SOX5: variants seen among roughly 807,000 people sequenced by gnomAD.
SOX5 encodes the protein transcription factor SOX-5.
A neutral mutation model predicts 92.0 loss-of-function variants in SOX5; 9 were observed. That is an observed-to-expected ratio of 0.10 (90% CI 0.06 to 0.17). SOX5 has a LOEUF of 0.17. SOX5 is among the 10% of genes least tolerant of loss of function. SOX5 has a pLI of 1.00. For missense variants in SOX5, 642 were observed against 944.5 expected, an observed-to-expected ratio of 0.68 and a Z score of 4.20; for synonymous variants, 344 against 336.3, an observed-to-expected ratio of 1.02 and a Z score of -0.25.
chr12:23,989,869 T>A (rs1353255387), intron 4 of SOX5, among the ~76,000 whole-genome samples: 1 of 152,134 alleles, frequency 6.6e-6, no homozygotes, highest in African/African-American at 2.4e-5. Flanking sequence ...GAGTTTGTTA[T>A]AGTAGCTTGA....
chr12:23,539,100 T>C (rs10771001), intron 13 of SOX5, among the ~76,000 whole-genome samples: 110,482 of 151,820 alleles, frequency 0.73, 40,496 homozygotes, highest in East Asian at 0.96. Context: ...CCACCACTCC[T>C]GGCCAAGCAT....
chr12:23,763,647 C>A (rs952807594), intron 3 of SOX5, among the ~76,000 whole-genome samples: 1 of 150,428 alleles, frequency 6.6e-6, no homozygotes, highest in Admixed American at 6.6e-5. Context: ...CTCAATTAAT[C>A]TTTGCCTTTT....
chr12:23,660,657 G>A (rs1444646600), intron 7 of SOX5, among the ~76,000 whole-genome samples: 4 of 151,694 alleles, frequency 2.6e-5, no homozygotes, highest in Non-Finnish European at 5.9e-5. Context: ...ATAATATTCT[G>A]TTCTGTGGTT....
At chr12:23,998,815 A>AAG (rs1426559449) in intron 4 of SOX5, among the ~76,000 whole-genome samples, 9 of 151,030 alleles carry the variant, frequency 6.0e-5, no homozygotes, top group Non-Finnish European at 1.3e-4. Context: ...AAAAAAAAAA[A>AAG]AAAAAAAAAA....
intron 4 of SOX5, among the ~76,000 whole-genome samples, chr12:23,967,105 G>C (rs1233336570): frequency 2.0e-5 from 3 of 152,068 alleles, no homozygotes; most frequent in African/African-American, 7.2e-5. Flanking sequence ...TCTGAAATGA[G>C]CTTTTAAAAG....
At chr12:24,010,446 A>C (rs1952783464) in intron 4 of SOX5, among the ~76,000 whole-genome samples, 1 of 152,228 alleles carries the variant, frequency 6.6e-6, no homozygotes, top group Non-Finnish European at 1.5e-5. Context: ...TCCCCGTAAG[A>C]AAAATGTTAT....
chr12:23,691,020 G>A (rs2088686548), intron 6 of SOX5, among the ~76,000 whole-genome samples: 1 of 152,164 alleles, frequency 6.6e-6, no homozygotes, highest in Non-Finnish European at 1.5e-5. Context: ...CAGTCTTCAA[G>A]CTGGACTATC....
intron 6 of SOX5, among the ~76,000 whole-genome samples, chr12:23,711,713 A>C (rs181959232): frequency 6.6e-6 from 1 of 152,322 alleles, no homozygotes; most frequent in East Asian, 1.9e-4. Flanking sequence ...TTACAATTGG[A>C]AAATGGAACT....
intron 3 of SOX5, among the ~76,000 whole-genome samples, chr12:23,779,955 CTGTGTGTG>C (rs10686652): frequency 0.026 from 3,571 of 136,562 alleles, 97 homozygotes; most frequent in South Asian, 0.098. Flanking sequence ...CACAGCGAGA[CTGTGTGTG>C]TGTGTGTGTG....
At chr12:24,046,030 A>C (rs78710240) in intron 4 of SOX5, among the ~76,000 whole-genome samples, 2,553 of 152,190 alleles carry the variant, frequency 0.017, 29 homozygotes, top group Middle Eastern at 0.031. Flanking sequence ...TCTGTCTCTC[A>C]TCATTGCTTT....
chr12:23,689,655 T>C (rs751318151), intron 6 of SOX5, among the ~76,000 whole-genome samples: 1 of 152,166 alleles, frequency 6.6e-6, no homozygotes, highest in Non-Finnish European at 1.5e-5. Flanking sequence ...CAAAAATACA[T>C]GCCATATACA....
Position 23,614,723 on chromosome 12 carries a change from G to A in SOX5, c.1018-10190C>T, listed in dbSNP as rs185437275. 1.3e-4 allele frequency among the ~76,000 whole-genome samples: 20 copies of A among 152,248 alleles called. No homozygotes were observed. The East Asian group carries it at 3.7e-3, about 28-fold the overall frequency. ...GGTATCTTCATGTTTACCTTCTAAG[G>A]AAATTGTCAGACTTTTCTGAAGTGG... On this transcript the variant is annotated intron_variant, in intron 8 of 14. Coordinates refer to ENST00000451604, the MANE Select transcript of SOX5 (RefSeq NM_006940.6).
At chr12:24,214,879 G>A (rs1229033240) in intron 3 of SOX5, among the ~76,000 whole-genome samples, 1 of 151,940 alleles carries the variant, frequency 6.6e-6, no homozygotes, top group East Asian at 1.9e-4. Flanking sequence ...GATCATTTTA[G>A]AGTACATAAA....
intron 2 of SOX5, among the ~76,000 whole-genome samples, chr12:24,343,828 G>T (rs765040708): frequency 7.9e-5 from 12 of 152,148 alleles, no homozygotes; most frequent in Non-Finnish European, 1.6e-4. Flanking sequence ...AAGGTATTTG[G>T]TGAGGACAGG....
At position 23,741,032 on chromosome 12, in the gene SOX5, G is replaced by A. The variant is rs748012592; in HGVS notation, c.576C>T (p.Pro192=). The A allele has an allele frequency of 1.1e-5, 18 of 1,592,308 alleles. No individual in the cohort carries two copies. Among genetic ancestry groups the A allele is most frequent in the East Asian group, 4.5e-5 (2 of 44,284 alleles). ...GCCTTTCTTTCTCAGCTAAGCTCTC[G>A]GGAGTCCCTACAAATCATATAGCAA... ...SGNFGEIKGT[P]ESLAEKERQL... is the part of the protein sequence containing the mutation. Residue 192 remains proline (P), a synonymous_variant, in exon 5 of 15, where the codon CCC becomes CCT. Coordinates refer to ENST00000451604, the MANE Select transcript of SOX5 (RefSeq NM_006940.6).
At chr12:23,540,489 A>G (rs1319510875) in intron 13 of SOX5, among the ~76,000 whole-genome samples, 4 of 151,956 alleles carry the variant, frequency 2.6e-5, no homozygotes, top group African/African-American at 9.7e-5. Context: ...AAAATAGGGG[A>G]AAAAATAAGG....
At chr12:23,840,409 C>T (rs913519806) in intron 3 of SOX5, among the ~76,000 whole-genome samples, 27 of 151,936 alleles carry the variant, frequency 1.8e-4, no homozygotes, top group Non-Finnish European at 3.4e-4. Flanking sequence ...CAATTCTTCC[C>T]AACATGATCT....
At chr12:24,028,431 G>A (rs568450205) in intron 4 of SOX5, among the ~76,000 whole-genome samples, 1 of 151,950 alleles carries the variant, frequency 6.6e-6, no homozygotes, top group Non-Finnish European at 1.5e-5. Context: ...TAAAACAGAG[G>A]TTCCTTTAAA....
chr12:24,387,021 T>G (rs1958481332), intron 1 of SOX5, among the ~76,000 whole-genome samples: 1 of 152,202 alleles, frequency 6.6e-6, no homozygotes, highest in African/African-American at 2.4e-5. Context: ...GCATCTTCGT[T>G]TCTGTATTTT....
Sources: gnomAD v4.1 joint callset for allele counts (sites outside exome capture counted in the v4.1 genomes callset) on GRCh38, gnomAD v4.1.1 for gene constraint, MANE v1.5 for transcripts, NCBI Gene and HGNC (gene_info 2026-07-23, HGNC 2026-07-21) for gene names.